Variants in DENND1B observed in about 807,000 individuals in gnomAD.
DENND1B encodes DENN domain containing 1B, also known as DENN domain-containing protein 1B.
In DENND1B, 59 loss-of-function variants were observed where a neutral mutation model predicts 90.1. That is an observed-to-expected ratio of 0.65 (90% CI 0.53 to 0.81). DENND1B has a LOEUF of 0.81. Ranked by LOEUF, DENND1B falls within the 40% of genes least tolerant of loss-of-function variation. The pLI is 0.00. For missense variants in DENND1B, 862 were observed against 912.6 expected (o/e 0.94, Z 0.71); for synonymous variants, 337 against 324.6 (o/e 1.04, Z -0.41).
In DENND1B at chr1:197,591,200, C is replaced by T. The variant is rs897047562; in HGVS notation, c.1047+4008G>A. Among the ~76,000 whole-genome samples the T allele has an allele frequency of 4.6e-5, 7 of 152,072 alleles. No individual in the cohort carries two copies. The East Asian group carries it at 7.7e-4, about 17-fold the overall frequency. ...AATTTTCTTTTATAATTTTCGGATT[C>T]GTTTTGTTTATTACTGCTAGAGAAG... On this transcript the variant is annotated intron_variant, in intron 14 of 22. Transcript: ENST00000620048.
At chr1:197,664,767 C>T (rs924800406) in intron 5 of DENND1B, among the ~76,000 whole-genome samples, 5 of 151,906 alleles carry the variant, frequency 3.3e-5, no homozygotes, top group Non-Finnish European at 7.4e-5. Context: ...AAAATTGACA[C>T]AAAATGTGTA....
chr1:197,601,494 T>A (rs1572029335), intron 13 of DENND1B, among the ~76,000 whole-genome samples: 1 of 151,318 alleles, frequency 6.6e-6, no homozygotes, highest in East Asian at 2.0e-4. Context: ...GCAAATAATT[T>A]TAACAGCCAA....
intron 6 of DENND1B, among the ~76,000 whole-genome samples, chr1:197,654,111 T>C (rs368664421): frequency 2.6e-5 from 4 of 152,122 alleles, no homozygotes; most frequent in East Asian, 3.8e-4. Context: ...CATAAACAAC[T>C]AGACTTTTGA....
chr1:197,753,248 A>T (rs1259129944), intron 2 of DENND1B, among the ~76,000 whole-genome samples: 1 of 152,236 alleles, frequency 6.6e-6, no homozygotes, highest in East Asian at 1.9e-4. Context: ...AGAATTATTA[A>T]TGCCAACATG....
intron 3 of DENND1B, among the ~76,000 whole-genome samples, chr1:197,696,073 A>C (rs2102122763): frequency 6.6e-6 from 1 of 151,478 alleles, no homozygotes. Context: ...TCCTTTTTAT[A>C]TTCAATAATG....
chr1:197,713,828 T>TATATAATATATTATA (rs1660276645), intron 3 of DENND1B, among the ~76,000 whole-genome samples: 4 of 23,028 alleles, frequency 1.7e-4, no homozygotes, highest in East Asian at 2.1e-3. Context: ...TAATATATTA[T>TATATAATATATTATA]ATATAATATA....
chr1:197,615,560 A>T (rs1223553328), intron 11 of DENND1B, among the ~76,000 whole-genome samples: 2 of 151,038 alleles, frequency 1.3e-5, no homozygotes, highest in Non-Finnish European at 3.0e-5. Flanking sequence ...AATCAAAACT[A>T]TGAGATTGAA....
Position 197,510,361 on chromosome 1 carries a change from A to G in DENND1B, c.*99T>C, listed in dbSNP as rs920026106. ...AAAAATGTTGCAAATGCAAAAAAAAATTTAAATAGTATGAGTTGCCATTCC... is the reference window on the plus strand; with the variant it reads ...AAAAATGTTGCAAATGCAAAAAAAAGTTTAAATAGTATGAGTTGCCATTCC... On this transcript the variant is annotated 3_prime_UTR_variant, in exon 23 of 23. Transcript: ENST00000620048. 9.5e-6 allele frequency: 13 copies of G among 1,367,934 alleles called. No individual in the cohort carries two copies. The African/African-American group carries it at 1.8e-4, about 19-fold the overall frequency. The allele number at this position is 1,367,934 out of a possible 1,614,324, so 84.7% of individuals were successfully genotyped here.
At chr1:197,546,593 AG>A (rs2125671986) in intron 17 of DENND1B, 139 bp downstream of exon 17, 1 of 765,228 alleles carries the variant, frequency 1.3e-6, no homozygotes, top group East Asian at 3.3e-5. Context: ...ACGTAAAATA[AG>A]AATATTTAAA....
At chr1:197,719,910 CA>C (rs1660999866) in intron 2 of DENND1B, among the ~76,000 whole-genome samples, 2 of 152,214 alleles carry the variant, frequency 1.3e-5, no homozygotes, top group Middle Eastern at 6.8e-3. Context: ...CTGTAGGATT[CA>C]GAAATAAGAT....
chr1:197,519,486 C>T (rs889505272), intron 20 of DENND1B, among the ~76,000 whole-genome samples: 5 of 151,914 alleles, frequency 3.3e-5, no homozygotes, highest in Non-Finnish European at 7.4e-5. Context: ...CATTGGGCTA[C>T]ACGCTAGAGC....
intron 15 of DENND1B, among the ~76,000 whole-genome samples, chr1:197,558,046 A>G (rs904765674): frequency 5.9e-5 from 9 of 151,912 alleles, no homozygotes; most frequent in Non-Finnish European, 1.3e-4. Flanking sequence ...TTAGTTTATT[A>G]TTATAAGTAA....
At chr1:197,678,906 C>A (rs1323839940) in intron 3 of DENND1B, among the ~76,000 whole-genome samples, 1 of 152,026 alleles carries the variant, frequency 6.6e-6, no homozygotes, top group African/African-American at 2.4e-5. Context: ...GACAACTATG[C>A]CCAGTGTGGA....
At chr1:197,662,312 G>C (rs1172516916) in intron 5 of DENND1B, among the ~76,000 whole-genome samples, 2 of 152,048 alleles carry the variant, frequency 1.3e-5, no homozygotes, top group Non-Finnish European at 2.9e-5. Flanking sequence ...GGAAGTGCAG[G>C]AAGTAAAATT....
rs12096133 is a variant in DENND1B, at chr1:197,665,139, A to G, written c.297-6770T>C. Among the ~76,000 whole-genome samples the G allele has an allele frequency of 4.0e-3, 605 of 152,266 alleles. 4 individuals are homozygous for G. The highest frequency in any genetic ancestry group is 0.012 in the African/African-American group (517 of 41,580). On this transcript the variant is annotated intron_variant, in intron 5 of 22. Transcript: ENST00000620048. The stretch of plus-strand genomic sequence containing the variant: ...ACAGAACAGTGGCTCAAAATTAAAT[A>G]TCAACTTTTGTATTAAATAGGCCTA...
rs1449475610 is a variant in DENND1B at position 197,772,766 on chromosome 1, G to C, written c.82+102C>G. The C allele has an allele frequency of 4.1e-6, 4 of 982,846 alleles. No individual in the cohort carries two copies. The African/African-American group carries it at 5.0e-5, about 12-fold the overall frequency. 60.9% of individuals were successfully genotyped at this position (982,846 alleles called of 1,614,324 possible). Reference sequence around the variant, plus strand: ...CCTGAACCCGGGAAGGAGAGGTTGTGGTGAGCCCTGATCATGCCACTGCAC... The same window carrying C: ...CCTGAACCCGGGAAGGAGAGGTTGTCGTGAGCCCTGATCATGCCACTGCAC... On this transcript the variant is annotated intron_variant, in intron 2 of 22. Coordinates refer to ENST00000620048, the MANE Select transcript of DENND1B (RefSeq NM_001195215.2).
At chr1:197,540,112 T>C in intron 19 of DENND1B, 41 bp from the exon 20 acceptor site, 1 of 1,381,366 alleles carries the variant, frequency 7.2e-7, no homozygotes, top group Non-Finnish European at 1.0e-6. Context: ...TGTAAAGTAC[T>C]CCTTTTATTA....
chr1:197,672,264 TCAGTTG>T, intron 4 of DENND1B, 108 bp from the exon 5 acceptor site: 1 of 1,312,592 alleles, frequency 7.6e-7, no homozygotes, highest in Non-Finnish European at 1.0e-6. Context: ...ATCTTTCTAA[TCAGTTG>T]GTTCTTGAAG....
chr1:197,586,943 C>A (rs1042061356), intron 14 of DENND1B, among the ~76,000 whole-genome samples: 1 of 152,106 alleles, frequency 6.6e-6, no homozygotes, highest in African/African-American at 2.4e-5. Flanking sequence ...GGGTTGAACA[C>A]AGTTTTCCTG....
Sources: gnomAD v4.1 joint callset for allele counts (sites outside exome capture counted in the v4.1 genomes callset) on GRCh38, gnomAD v4.1.1 for gene constraint, MANE v1.5 for transcripts, NCBI Gene and HGNC (gene_info 2026-07-23, HGNC 2026-07-21) for gene names.